DIPK1A: variants seen among roughly 807,000 people sequenced by gnomAD.
DIPK1A encodes family with sequence similarity 69 member A.
DIPK1A carries 27 observed loss-of-function variants against 40.8 expected under a neutral mutation model. The ratio of observed to expected loss-of-function variants is 0.66; its 90% CI spans 0.49 to 0.91. The LOEUF (loss-of-function observed/expected upper bound fraction) is 0.91, where lower values mean the gene tolerates loss of function less well. Ranked by LOEUF, DIPK1A falls within the 40% of genes least tolerant of loss-of-function variation. The pLI is 0.00. For missense variants in DIPK1A, 412 were observed against 505.7 expected (o/e 0.81, Z 1.78); for synonymous variants, 166 against 171.3 (o/e 0.97, Z 0.24).
At chr1:92,898,271 G>A (rs1280212451) in intron 1 of DIPK1A, among the ~76,000 whole-genome samples, 2 of 152,254 alleles carry the variant, frequency 1.3e-5, no homozygotes, top group Non-Finnish European at 2.9e-5. Context: ...CTGTCACATG[G>A]TGAAGAGAGC....
chr1:92,919,257 T>C (rs975138921), intron 1 of DIPK1A, among the ~76,000 whole-genome samples: 1 of 152,186 alleles, frequency 6.6e-6, no homozygotes, highest in African/African-American at 2.4e-5. Flanking sequence ...GACCTTACCA[T>C]TCTCTTAACT....
chr1:92,882,185 C>T (rs886208228), intron 1 of DIPK1A, among the ~76,000 whole-genome samples: 5 of 152,106 alleles, frequency 3.3e-5, no homozygotes, highest in African/African-American at 7.2e-5. Flanking sequence ...GTCAGGAGTT[C>T]GAGGCCAGCC....
intron 1 of DIPK1A, among the ~76,000 whole-genome samples, chr1:92,954,486 C>T (rs1389827417): frequency 6.7e-6 from 1 of 149,656 alleles, no homozygotes; most frequent in Non-Finnish European, 1.5e-5. Context: ...CAAGCTCTCC[C>T]ACCTCAGCCT....
chr1:92,886,339 A>G (rs1001348711), intron 1 of DIPK1A, among the ~76,000 whole-genome samples: 1 of 151,986 alleles, frequency 6.6e-6, no homozygotes, highest in Admixed American at 6.6e-5. Context: ...TAAAAAAAAA[A>G]TTGATATTAA....
chr1:92,911,837 C>G (rs1649838158), intron 1 of DIPK1A, among the ~76,000 whole-genome samples: 2 of 151,562 alleles, frequency 1.3e-5, no homozygotes, highest in African/African-American at 4.9e-5. Flanking sequence ...CTCATCTCTA[C>G]TAAAAATACA....
intron 1 of DIPK1A, among the ~76,000 whole-genome samples, chr1:92,947,544 C>G (rs1409365403): frequency 6.6e-6 from 1 of 152,030 alleles, no homozygotes; most frequent in Non-Finnish European, 1.5e-5. Flanking sequence ...GGAGGTTCTT[C>G]AAAAAAACTA....
downstream of DIPK1A, among the ~76,000 whole-genome samples, chr1:92,841,387 A>G (rs1206771114): frequency 6.6e-6 from 1 of 152,244 alleles, no homozygotes; most frequent in African/African-American, 2.4e-5. Context: ...TCCATTATGT[A>G]TATGTATACC....
chr1:92,917,596 G>A (rs1361290735), intron 1 of DIPK1A, among the ~76,000 whole-genome samples: 2 of 152,120 alleles, frequency 1.3e-5, no homozygotes, highest in African/African-American at 4.8e-5. Context: ...TTCTTTTGGA[G>A]GATTAAAACA....
In DIPK1A at chr1:92,844,114, C is replaced by T; in HGVS notation, c.556G>A (p.Val186Ile). The change falls in exon 5 of 5, where the codon GTT becomes ATT. Residue 186 changes from valine to isoleucine, a missense_variant. By Grantham distance (29) the Val-to-Ile change is conservative. Transcript: ENST00000370310. ...TVADGDKDGQVSLGEAKSAWA... is the reference protein window; with the variant it reads ...TVADGDKDGQISLGEAKSAWA... ...GCCGACTTTGCTTCTCCCAAGGAAA[C>T]CTGGCCATCTTTGTCTCCATCAGCC... 1 of 1,551,722 alleles carries T rather than the reference C, an allele frequency of 6.4e-7. No individual in the cohort carries two copies. The highest frequency in any genetic ancestry group is 8.7e-7 in the Non-Finnish European group (1 of 1,147,014).
chr1:92,957,399 G>A (rs531866235), intron 1 of DIPK1A, among the ~76,000 whole-genome samples: 1 of 152,336 alleles, frequency 6.6e-6, no homozygotes, highest in East Asian at 1.9e-4. Flanking sequence ...CATTTAGCCA[G>A]TCCAGGAAGT....
intron 1 of DIPK1A, among the ~76,000 whole-genome samples, chr1:92,885,962 A>C (rs1648579799): frequency 6.6e-6 from 1 of 152,188 alleles, no homozygotes; most frequent in Admixed American, 6.6e-5. Context: ...CATATGATAC[A>C]TATTACTTAT....
At chr1:92,835,714 C>T (rs913404892) in intron 4 of DIPK1A, among the ~76,000 whole-genome samples, 5 of 149,042 alleles carry the variant, frequency 3.4e-5, no homozygotes, top group South Asian at 2.1e-4. Flanking sequence ...TGGCCATTGA[C>T]GGGAAGATTC....
intron 1 of DIPK1A, among the ~76,000 whole-genome samples, chr1:92,898,913 C>G (rs1432102505): frequency 6.6e-6 from 1 of 152,098 alleles, no homozygotes; most frequent in Non-Finnish European, 1.5e-5. Context: ...CAGACATGTG[C>G]CACCATGCCT....
chr1:92,873,747 T>C (rs1208700995), intron 2 of DIPK1A, among the ~76,000 whole-genome samples: 1 of 152,262 alleles, frequency 6.6e-6, no homozygotes, highest in East Asian at 1.9e-4. Flanking sequence ...AGTCTTGCTC[T>C]GTTGCCCAGG....
At chr1:92,926,632 G>T (rs1304607663) in intron 1 of DIPK1A, among the ~76,000 whole-genome samples, 1 of 152,116 alleles carries the variant, frequency 6.6e-6, no homozygotes, top group Non-Finnish European at 1.5e-5. Context: ...GTATGACTGT[G>T]GACTTGAATC....
chr1:92,869,533 C>T (rs982139918), intron 2 of DIPK1A, among the ~76,000 whole-genome samples: 3 of 152,078 alleles, frequency 2.0e-5, no homozygotes, highest in African/African-American at 7.2e-5. Flanking sequence ...AATAAAAGGA[C>T]CCACACTTTA....
rs142323442 is a variant in DIPK1A at position 92,835,108 on chromosome 1, T to C, written c.475-2074A>G. ...AATTTTCTGCAATGACACAAATCTG[T>C]AATTTGCTGTCCAGTGGTTTTGCCA... On this transcript the variant is annotated intron_variant, in intron 4 of 4. Coordinates refer to the DIPK1A transcript ENST00000615519. 1.1e-3 allele frequency: 822 copies of C among 724,070 alleles called. 7 individuals are homozygous for C. The African/African-American group carries it at 0.012, about 11-fold the overall frequency. 44.9% of individuals were successfully genotyped at this position (724,070 alleles called of 1,614,324 possible).
chr1:92,842,606 G>A lies in DIPK1A; in HGVS notation c.*777C>T, dbSNP rs1391821569. On this transcript the variant is annotated 3_prime_UTR_variant, in exon 5 of 5. Transcript: ENST00000370310. ...GTCTGCTATAATTTATTTTAGTCTT[G>A]CACTTACAGTCCCACTTTCACATAG... The A allele has an allele frequency of 2.2e-6, 2 of 927,398 alleles. No individual in the cohort carries two copies. Among genetic ancestry groups the A allele is most frequent in the Non-Finnish European group, 2.5e-6 (2 of 802,766 alleles). 57.4% of individuals were successfully genotyped at this position (927,398 alleles called of 1,614,324 possible). A position where few individuals can be genotyped will look rare whatever the true frequency, so the allele number is the denominator to read the frequency against.
intron 1 of DIPK1A, among the ~76,000 whole-genome samples, chr1:92,893,530 A>G (rs992234215): frequency 1.4e-4 from 22 of 152,184 alleles, no homozygotes; most frequent in African/African-American, 5.3e-4. Context: ...AACAACCGGT[A>G]CCAGCCACTG....
Sources: allele counts gnomAD v4.1 joint callset (sites outside exome capture counted in the v4.1 genomes callset), GRCh38; gene constraint gnomAD v4.1.1; transcripts MANE v1.5; gene names NCBI Gene and HGNC (gene_info 2026-07-23, HGNC 2026-07-21).